The following SCD variants were observed in gnomAD, a reference collection of about 807,000 sequenced individuals.
SCD encodes stearoyl-CoA desaturase.
A neutral mutation model predicts 35.7 loss-of-function variants in SCD; 4 were observed. The observed-to-expected ratio is 0.11, with a 90% CI of 0.06 to 0.26. SCD has a LOEUF of 0.26. Among genes scored for constraint, SCD ranks in the 10% least tolerant of loss-of-function variants. The pLI is 1.00. For synonymous variants in SCD, 150 were observed against 170.2 expected (o/e 0.88, Z 0.92); for missense variants, 282 against 460.7 (o/e 0.61, Z 3.55).
In SCD at chr10:100,361,569, T is replaced by C. The variant is rs200922457; in HGVS notation, c.*636T>C. 1 of 152,752 alleles carries C rather than the reference T, an allele frequency of 6.5e-6. No homozygotes were observed. Among genetic ancestry groups the C allele is most frequent in the Non-Finnish European group, 1.5e-5 (1 of 68,480 alleles). 9.5% of individuals were successfully genotyped at this position (152,752 alleles called of 1,614,324 possible). ...ATCAGACATACAGCTGCCTACCTAATGAGGACTTCAAGCCCCACCACATAG... is the reference window on the plus strand; with the variant it reads ...ATCAGACATACAGCTGCCTACCTAACGAGGACTTCAAGCCCCACCACATAG... On this transcript the variant is annotated 3_prime_UTR_variant, in exon 6 of 6. Transcript: ENST00000370355.
chr10:100,358,977 A>G (rs1341365061), intron 5 of SCD, among the ~76,000 whole-genome samples: 5 of 152,076 alleles, frequency 3.3e-5, no homozygotes, highest in South Asian at 4.1e-4. Context: ...TAACTTTCAC[A>G]TATCTCTTTT....
At chr10:100,358,635 G>A (rs1023935986) in intron 5 of SCD, among the ~76,000 whole-genome samples, 7 of 148,394 alleles carry the variant, frequency 4.7e-5, no homozygotes, top group Admixed American at 6.7e-5. Context: ...TTGTCTAGGC[G>A]TGGTGGCTCA....
chr10:100,348,395 C>G (rs1214864471), intron 2 of SCD, 49 bp downstream of exon 2: 1 of 1,558,414 alleles, frequency 6.4e-7, no homozygotes, highest in African/African-American at 1.4e-5. Flanking sequence ...GTACTCACTG[C>G]TCTTTTAATA....
chr10:100,355,596 T>C (rs2133594949), intron 4 of SCD, among the ~76,000 whole-genome samples: 2 of 152,314 alleles, frequency 1.3e-5, no homozygotes, highest in Middle Eastern at 3.4e-3. Context: ...AGGCTGCTTT[T>C]AGAACAAGTG....
At position 100,352,099 on chromosome 10, in the gene SCD, A is replaced by G. The variant is rs913253886; in HGVS notation, c.311-267A>G. ...TTTAAGATGAAGAATGAGTGGTAAG[A>G]GCACTATTCTCTCTCCTGCCTTTCT... On this transcript the variant is annotated intron_variant, in intron 2 of 5. Coordinates refer to ENST00000370355, the MANE Select transcript of SCD (RefSeq NM_005063.5). This position sits in a 1 kb window ranked among gnomAD's most constrained non-coding sequence, Gnocchi z 4.2. Among the ~76,000 whole-genome samples, 1 of 152,274 alleles carries G rather than the reference A, an allele frequency of 6.6e-6. No individual in the cohort carries two copies. The highest frequency in any genetic ancestry group is 6.5e-5 in the Admixed American group (1 of 15,292).
chr10:100,350,065 T>C (rs1849854759), intron 2 of SCD, among the ~76,000 whole-genome samples: 1 of 152,124 alleles, frequency 6.6e-6, no homozygotes, highest in African/African-American at 2.4e-5. Flanking sequence ...GTGAAGGCTG[T>C]GCCTGCTACA....
At position 100,362,640 on chromosome 10, in the gene SCD, G is replaced by A. The variant is rs1850000953; in HGVS notation, c.*1707G>A. The A allele has an allele frequency of 6.6e-6, 1 of 152,234 alleles. No homozygotes were observed. Among genetic ancestry groups the A allele is most frequent in the African/African-American group, 2.4e-5 (1 of 41,434 alleles). The allele number at this position is 152,234 out of a possible 1,614,324, so 9.4% of individuals were successfully genotyped here. On this transcript the variant is annotated 3_prime_UTR_variant, in exon 6 of 6. Transcript: ENST00000370355. ...CCCTCCTGCACACAGAATGCTCAGG[G>A]TCACTGAACCACTGCTTCTCTTTTG... is the stretch of plus-strand genomic sequence containing the variant.
chr10:100,356,784 A>G lies in SCD; in HGVS notation c.880+20A>G, dbSNP rs1396301042. On this transcript the variant is annotated intron_variant, in intron 5 of 5. Coordinates refer to ENST00000370355, the MANE Select transcript of SCD (RefSeq NM_005063.5). The surrounding 1 kb of genome is among the most constrained non-coding windows in gnomAD (Gnocchi z 4.1). ...CTGTGGGTAAGTCAGCTGTCCAAGT[A>G]AGACTACATCCAGTGGTCTGCTGAT... 2 of 1,592,780 alleles carry G rather than the reference A, an allele frequency of 1.3e-6. No homozygotes were observed. The highest frequency in any genetic ancestry group is 3.3e-5 in the Admixed American group (2 of 59,898).
intron 3 of SCD, among the ~76,000 whole-genome samples, chr10:100,353,910 T>C (rs1294633053): frequency 3.3e-5 from 5 of 152,206 alleles, no homozygotes; most frequent in Admixed American, 2.0e-4. Flanking sequence ...CGTTTGAAAA[T>C]GCAGTCATGA....
intron 3 of SCD, among the ~76,000 whole-genome samples, chr10:100,353,333 C>A (rs1352192506): frequency 2.0e-5 from 3 of 152,074 alleles, no homozygotes; most frequent in Non-Finnish European, 4.4e-5. Context: ...CGCCTGTAAT[C>A]TCAGAACTTT....
intron 5 of SCD, among the ~76,000 whole-genome samples, chr10:100,359,512 C>T (rs1469238076): frequency 6.6e-6 from 1 of 152,160 alleles, no homozygotes; most frequent in African/African-American, 2.4e-5. Context: ...TGCTTACACA[C>T]AGCCCAGCTG....
intron 5 of SCD, among the ~76,000 whole-genome samples, chr10:100,357,992 C>T (rs1849945664): frequency 6.6e-6 from 1 of 152,032 alleles, no homozygotes; most frequent in Admixed American, 6.6e-5. Context: ...CAACCTTAAC[C>T]ATCTTTATTA....
chr10:100,362,014 T>C lies in SCD; in HGVS notation c.*1081T>C, dbSNP rs1471413226. The C allele has an allele frequency of 6.6e-6, 1 of 152,198 alleles. No homozygotes were observed. The highest frequency in any genetic ancestry group is 1.9e-4 in the East Asian group (1 of 5,196). The allele number at this position is 152,198 out of a possible 1,614,324, so 9.4% of individuals were successfully genotyped here. ...GTGAAGTCGGGTCAAAAATAAAATA[T>C]ATATACATATATACATTGCTTAGAA... On this transcript the variant is annotated 3_prime_UTR_variant, in exon 6 of 6. Transcript: ENST00000370355.
At chr10:100,353,165 T>C (rs984805191) in intron 3 of SCD, among the ~76,000 whole-genome samples, 1 of 152,154 alleles carries the variant, frequency 6.6e-6, no homozygotes, top group African/African-American at 2.4e-5. Flanking sequence ...TCTTAGGAAA[T>C]AGGTACTATT....
At chr10:100,353,832 AAAGG>A (rs1437338835) in intron 3 of SCD, among the ~76,000 whole-genome samples, 1 of 152,220 alleles carries the variant, frequency 6.6e-6, no homozygotes, top group East Asian at 1.9e-4. Context: ...CTGTGGAGCA[AAAGG>A]AAGGAAGAGA....
At position 100,352,992 on chromosome 10, in the gene SCD, AATTTCAAAAGTG is replaced by A. The variant is rs1849887185; in HGVS notation, c.441+498_441+509del. On this transcript the variant is annotated intron_variant, in intron 3 of 5. Coordinates refer to ENST00000370355, the MANE Select transcript of SCD (RefSeq NM_005063.5). This position sits in a 1 kb window ranked among gnomAD's most constrained non-coding sequence, Gnocchi z 4.2. Reference sequence around the variant, plus strand: ...GACAAGACCCCAACTTTAAAAAAAAAATTTCAAAAGTGAATAACTTAGGACTCCACCACAGTG... The same window carrying A: ...GACAAGACCCCAACTTTAAAAAAAAAAATAACTTAGGACTCCACCACAGTG... Among the ~76,000 whole-genome samples the A allele has an allele frequency of 1.3e-5, 2 of 151,464 alleles. No homozygotes were observed. The highest frequency in any genetic ancestry group is 2.1e-4 in the South Asian group (1 of 4,752).
rs1365809200 is a variant in SCD at position 100,361,567 on chromosome 10, A to G, written c.*634A>G. The G allele has an allele frequency of 1.3e-5, 2 of 152,712 alleles. No homozygotes were observed. The highest frequency in any genetic ancestry group is 2.4e-5 in the African/African-American group (1 of 41,438). 9.5% of individuals were successfully genotyped at this position (152,712 alleles called of 1,614,324 possible). On this transcript the variant is annotated 3_prime_UTR_variant, in exon 6 of 6. Transcript: ENST00000370355. ...TGATCAGACATACAGCTGCCTACCT[A>G]ATGAGGACTTCAAGCCCCACCACAT...
chr10:100,357,235 C>G (rs775146788), intron 5 of SCD, among the ~76,000 whole-genome samples: 1 of 152,222 alleles, frequency 6.6e-6, no homozygotes, highest in Non-Finnish European at 1.5e-5. Flanking sequence ...TTCATCAACT[C>G]TGGGCTGGAC....
intron 2 of SCD, among the ~76,000 whole-genome samples, chr10:100,350,946 C>T (rs1460932430): frequency 6.6e-6 from 1 of 151,982 alleles, no homozygotes; most frequent in African/African-American, 2.4e-5. Flanking sequence ...TCCTGGAGAT[C>T]TTATAGGAGG....
Sources: allele counts gnomAD v4.1 joint callset (sites outside exome capture counted in the v4.1 genomes callset), GRCh38; gene constraint gnomAD v4.1.1; non-coding constraint Gnocchi (gnomAD v3.1); transcripts MANE v1.5; gene names NCBI Gene and HGNC (gene_info 2026-07-23, HGNC 2026-07-21).